Variants in TAPT1 observed in about 807,000 individuals in gnomAD.
TAPT1 encodes transmembrane anterior posterior transformation 1, also known as transmembrane anterior posterior transformation protein 1 homolog.
In TAPT1, 28 loss-of-function variants were observed where a neutral mutation model predicts 65.6. The observed-to-expected ratio is 0.43, with a 90% CI of 0.32 to 0.59. The LOEUF is 0.59. Ranked by LOEUF, TAPT1 falls within the 20% of genes least tolerant of loss-of-function variation. The probability of loss-of-function intolerance (pLI) is 0.09; values close to 1 mark genes in which losing one functional copy is unlikely to be tolerated. For synonymous variants in TAPT1, 278 were observed against 245.2 expected (o/e 1.13, Z -1.25); for missense variants, 563 against 679.9 (o/e 0.83, Z 1.91).
At chr4:16,164,964 C>T (rs1024492289) in intron 13 of TAPT1, among the ~76,000 whole-genome samples, 2 of 152,142 alleles carry the variant, frequency 1.3e-5, no homozygotes, top group African/African-American at 2.4e-5. Context: ...GCCCAACTCT[C>T]CTCTCCTCCC....
At chr4:16,180,507 C>T (rs965727319) in intron 7 of TAPT1, among the ~76,000 whole-genome samples, 2 of 152,124 alleles carry the variant, frequency 1.3e-5, no homozygotes, top group Non-Finnish European at 2.9e-5. Context: ...CTGTCATTTC[C>T]CTACTTTCCC....
At chr4:16,219,319 G>A (rs1015331536) in intron 1 of TAPT1, among the ~76,000 whole-genome samples, 4 of 146,790 alleles carry the variant, frequency 2.7e-5, no homozygotes, top group Non-Finnish European at 5.9e-5. Flanking sequence ...GGAGCCCTCT[G>A]TCCCTCCCCT....
chr4:16,226,188 G>A, intron 1 of TAPT1, 71 bp downstream of exon 1: 1 of 1,077,872 alleles, frequency 9.3e-7, no homozygotes, highest in South Asian at 4.5e-5. Context: ...GGGGTTCCAA[G>A]GCGCCCCCGC....
At chr4:16,193,137 C>A (rs935732593) in intron 3 of TAPT1, among the ~76,000 whole-genome samples, 30 of 152,286 alleles carry the variant, frequency 2.0e-4, no homozygotes, top group African/African-American at 7.2e-4. Flanking sequence ...TATTTACAGA[C>A]AGAATCTAAG....
intron 3 of TAPT1, among the ~76,000 whole-genome samples, chr4:16,201,667 C>T (rs1400912183): frequency 5.3e-5 from 8 of 152,168 alleles, no homozygotes. Context: ...AGCTTAACAT[C>T]TTCACCTTAC....
At chr4:16,204,122 A>G (rs76326059) in intron 2 of TAPT1, among the ~76,000 whole-genome samples, 6,421 of 152,298 alleles carry the variant, frequency 0.042, 222 homozygotes, top group African/African-American at 0.086. Context: ...ATCACTGAGA[A>G]GCCTTTCCGT....
intron 1 of TAPT1, chr4:16,226,011 T>C: frequency 1.0e-6 from 1 of 1,001,928 alleles, no homozygotes; most frequent in Non-Finnish European, 1.2e-6. Flanking sequence ...CGCAGACCCC[T>C]TCTAGGGCAC....
At chr4:16,198,089 C>T (rs1372934310) in intron 3 of TAPT1, among the ~76,000 whole-genome samples, 1 of 152,146 alleles carries the variant, frequency 6.6e-6, no homozygotes, top group African/African-American at 2.4e-5. Context: ...GCAAAACACC[C>T]TGCTGGATGA....
chr4:16,223,335 T>C (rs1751366951), intron 1 of TAPT1, among the ~76,000 whole-genome samples: 1 of 152,220 alleles, frequency 6.6e-6, no homozygotes, highest in South Asian at 2.1e-4. Flanking sequence ...AAACATAACA[T>C]TGATTATTTG....
chr4:16,165,189 T>C (rs1218799668), intron 13 of TAPT1, among the ~76,000 whole-genome samples: 1 of 152,168 alleles, frequency 6.6e-6, no homozygotes, highest in Non-Finnish European at 1.5e-5. Flanking sequence ...CCCCTGTAGT[T>C]ACATGAGGCC....
intron 13 of TAPT1, among the ~76,000 whole-genome samples, chr4:16,164,763 G>C (rs1034853604): frequency 1.3e-5 from 2 of 151,918 alleles, no homozygotes; most frequent in African/African-American, 4.8e-5. Flanking sequence ...CGTAACAAGA[G>C]AACACGTACA....
chr4:16,195,035 G>C (rs541822224), intron 3 of TAPT1, among the ~76,000 whole-genome samples: 1 of 152,024 alleles, frequency 6.6e-6, no homozygotes, highest in Non-Finnish European at 1.5e-5. Flanking sequence ...CCCGATAAGG[G>C]TCTTGTTTTC....
rs889273397 is a variant in TAPT1 at position 16,174,664 on chromosome 4, G to A, written c.1167+6C>T. On this transcript the variant is annotated splice_donor_region_variant and intron_variant, in intron 10 of 13. Transcript: ENST00000405303. ...ATTTCAGACTACGCCCTTGATAAAT[G>A]CTCACATTTTTCTGTCGGCTGCTAA... The A allele has an allele frequency of 1.9e-6, 3 of 1,586,862 alleles. No homozygotes were observed. The highest frequency in any genetic ancestry group is 2.6e-6 in the Non-Finnish European group (3 of 1,165,692).
At chr4:16,169,144 T>C (rs888514382) in intron 12 of TAPT1, among the ~76,000 whole-genome samples, 10 of 152,210 alleles carry the variant, frequency 6.6e-5, no homozygotes, top group Admixed American at 6.5e-4. Context: ...GTGAATAAAG[T>C]AGAAAGGTGA....
intron 2 of TAPT1, among the ~76,000 whole-genome samples, chr4:16,205,558 G>A (rs1750292410): frequency 6.6e-6 from 1 of 152,134 alleles, no homozygotes; most frequent in African/African-American, 2.4e-5. Flanking sequence ...GATGTGCTCT[G>A]GAAACACAGG....
chr4:16,166,532 C>A, intron 13 of TAPT1, 101 bp downstream of exon 13: 1 of 1,450,898 alleles, frequency 6.9e-7, no homozygotes, highest in Non-Finnish European at 9.5e-7. Context: ...AAAATCTATG[C>A]AAAGGGAAAC....
intron 3 of TAPT1, among the ~76,000 whole-genome samples, chr4:16,198,179 T>G (rs1226625518): frequency 6.6e-6 from 1 of 152,188 alleles, no homozygotes; most frequent in Non-Finnish European, 1.5e-5. Context: ...GGACAGGGTC[T>G]TTATTTTACT....
intron 3 of TAPT1, among the ~76,000 whole-genome samples, chr4:16,198,573 T>A (rs1250204739): frequency 7.6e-6 from 1 of 132,290 alleles, no homozygotes; most frequent in Non-Finnish European, 1.7e-5. Context: ...AAAAAAAAAA[T>A]TATTTAAAAA....
chr4:16,177,740 A>G (rs951432532), intron 8 of TAPT1, among the ~76,000 whole-genome samples: 4 of 152,224 alleles, frequency 2.6e-5, no homozygotes, highest in African/African-American at 9.6e-5. Context: ...TGCCTGGCAT[A>G]CAAAATGGCT....
Sources: gnomAD v4.1 joint callset for allele counts (sites outside exome capture counted in the v4.1 genomes callset) on GRCh38, gnomAD v4.1.1 for gene constraint, MANE v1.5 for transcripts, NCBI Gene and HGNC (gene_info 2026-07-23, HGNC 2026-07-21) for gene names.